The following GLT1D1 variants were observed in gnomAD, a reference collection of about 807,000 sequenced individuals.
GLT1D1 encodes the protein glycosyltransferase 1 domain-containing protein 1.
Under a neutral mutation model 28.7 loss-of-function variants are expected in GLT1D1, and 21 were observed. The observed-to-expected ratio is 0.73, with a 90% CI of 0.52 to 1.05. The LOEUF is 1.05. GLT1D1 is among the 50% of genes least tolerant of loss of function. The probability of loss-of-function intolerance (pLI) is 0.00; values close to 1 mark genes in which losing one functional copy is unlikely to be tolerated. For missense variants in GLT1D1, 343 were observed against 330.6 expected, an observed-to-expected ratio of 1.04 and a Z score of -0.29; for synonymous variants, 147 against 124.8, an observed-to-expected ratio of 1.18 and a Z score of -1.19.
In GLT1D1 at chr12:128,983,238, A is replaced by G; in HGVS notation, c.*148A>G. 2 of 673,850 alleles carry G rather than the reference A, an allele frequency of 3.0e-6. No homozygotes were observed. Among genetic ancestry groups the G allele is most frequent in the South Asian group, 3.7e-5 (2 of 54,454 alleles). 41.7% of individuals were successfully genotyped at this position (673,850 alleles called of 1,614,324 possible). A position where few individuals can be genotyped will look rare whatever the true frequency, so the allele number is the denominator to read the frequency against. On this transcript the variant is annotated 3_prime_UTR_variant, in exon 8 of 8. Coordinates refer to ENST00000281703, the MANE Select transcript of GLT1D1 (RefSeq NM_144669.3). This position sits in a 1 kb window ranked among gnomAD's most constrained non-coding sequence, Gnocchi z 4.7. ...GAAAATGTTAGTCGTGAGTCCCCAG[A>G]GCCACTGCATTCATCCCATATCCTT...
chr12:128,945,368 A>C lies in GLT1D1; in HGVS notation c.418A>C (p.Arg140=), dbSNP rs1593171550. 6.2e-7 allele frequency: 1 copy of C among 1,613,336 alleles called. No homozygotes were observed. The highest frequency in any genetic ancestry group is 8.5e-7 in the Non-Finnish European group (1 of 1,179,324). ...AAGGGAAGTGAAAGCCAAAGTGAAAAGGTAAGAGTTGGTGGAGACCAGTCA... is the reference window on the plus strand; with the variant it reads ...AAGGGAAGTGAAAGCCAAAGTGAAACGGTAAGAGTTGGTGGAGACCAGTCA... The change falls in exon 5 of 8, where the codon AGA becomes CGA. Residue 140 remains arginine (R), a splice_region_variant and synonymous_variant. Transcript: ENST00000281703.
At chr12:128,932,871 C>T (rs1489699516) in intron 4 of GLT1D1, among the ~76,000 whole-genome samples, 1 of 152,178 alleles carries the variant, frequency 6.6e-6, no homozygotes, top group Admixed American at 6.5e-5. Flanking sequence ...AAAGCAATAG[C>T]CACCGCCACA....
chr12:128,911,262 T>C (rs1593120286), intron 4 of GLT1D1, among the ~76,000 whole-genome samples: 1 of 152,230 alleles, frequency 6.6e-6, no homozygotes, highest in African/African-American at 2.4e-5. Context: ...ATGCTGCCTC[T>C]ACCAAACCTT....
chr12:128,921,043 A>T (rs1275120913), intron 4 of GLT1D1, among the ~76,000 whole-genome samples: 2 of 152,206 alleles, frequency 1.3e-5, no homozygotes, highest in Non-Finnish European at 2.9e-5. Flanking sequence ...AGTGTAATTC[A>T]TCAGAGTTGA....
intron 1 of GLT1D1, among the ~76,000 whole-genome samples, chr12:128,863,253 C>G (rs773896870): frequency 6.6e-6 from 1 of 152,178 alleles, no homozygotes; most frequent in African/African-American, 2.4e-5. Flanking sequence ...CCCAGCAAGG[C>G]GAGTCTGTCT....
At chr12:128,944,802 ATATG>A (rs1555217185) in intron 4 of GLT1D1, 1 of 211,484 alleles carries the variant, frequency 4.7e-6, no homozygotes, top group Non-Finnish European at 9.7e-6. Context: ...ATTTATATAT[ATATG>A]TATATATATA....
rs771961164 is a variant in GLT1D1 at position 128,866,936 on chromosome 12, C to G, written c.69-8978C>G. 8.6e-5 allele frequency among the ~76,000 whole-genome samples: 13 copies of G among 151,970 alleles called. No individual in the cohort carries two copies. The South Asian group carries it at 1.9e-3, about 22-fold the overall frequency. On this transcript the variant is annotated intron_variant, in intron 1 of 7. Transcript: ENST00000281703. ...GCGCCAGCCACCTTCAGGTCACCTT[C>G]TTTAGCGGGAACTCCCCTGCCCACC...
At chr12:128,970,506 C>T (rs566607667) in intron 7 of GLT1D1, among the ~76,000 whole-genome samples, 4 of 152,338 alleles carry the variant, frequency 2.6e-5, no homozygotes, top group African/African-American at 7.2e-5. Context: ...AGTCAAAGTC[C>T]GCTTCTATCC....
chr12:128,862,990 C>A (rs1251298749), intron 1 of GLT1D1, among the ~76,000 whole-genome samples: 1 of 152,156 alleles, frequency 6.6e-6, no homozygotes, highest in African/African-American at 2.4e-5. Flanking sequence ...GGCGTAGGGT[C>A]CAAGGAAGAG....
chr12:128,980,477 GT>G (rs1880211815), intron 7 of GLT1D1, among the ~76,000 whole-genome samples: 4 of 152,246 alleles, frequency 2.6e-5, no homozygotes, highest in Admixed American at 2.0e-4. Context: ...TTTGTTTGCA[GT>G]TTTCCGAGTC....
chr12:128,920,559 AAAAG>A (rs1410789003), intron 4 of GLT1D1, among the ~76,000 whole-genome samples: 2 of 152,198 alleles, frequency 1.3e-5, no homozygotes, highest in Non-Finnish European at 2.9e-5. Flanking sequence ...TGTCTCAAAA[AAAAG>A]AAAGAAAGAA....
intron 7 of GLT1D1, among the ~76,000 whole-genome samples, chr12:128,962,601 C>T (rs774901203): frequency 2.6e-5 from 4 of 152,258 alleles, no homozygotes; most frequent in South Asian, 2.1e-4. Context: ...ACCTTGGGGT[C>T]AGACATACAG....
chr12:128,895,263 AATGT>A (rs1313373745), intron 3 of GLT1D1, among the ~76,000 whole-genome samples: 1 of 152,106 alleles, frequency 6.6e-6, no homozygotes, highest in African/African-American at 2.4e-5. Context: ...AGAGCTTGGA[AATGT>A]ATGTATGTAT....
chr12:128,869,550 A>G (rs1956631935), intron 1 of GLT1D1, among the ~76,000 whole-genome samples: 1 of 152,050 alleles, frequency 6.6e-6, no homozygotes. Flanking sequence ...TGAAATACAC[A>G]TTATAAATAT....
chr12:128,866,559 T>G (rs1956526298), intron 1 of GLT1D1, among the ~76,000 whole-genome samples: 1 of 150,600 alleles, frequency 6.6e-6, no homozygotes, highest in Non-Finnish European at 1.5e-5. Context: ...TGGACTTTGT[T>G]AGCTCTTCAT....
intron 2 of GLT1D1, among the ~76,000 whole-genome samples, chr12:128,885,310 C>T (rs1471129906): frequency 6.6e-6 from 1 of 152,128 alleles, no homozygotes; most frequent in South Asian, 2.1e-4. Flanking sequence ...GCAACCTCTG[C>T]CTTCCAGGTT....
chr12:128,865,902 A>G (rs969388870), intron 1 of GLT1D1, among the ~76,000 whole-genome samples: 1 of 152,128 alleles, frequency 6.6e-6, no homozygotes, highest in Non-Finnish European at 1.5e-5. Context: ...CAGAACAACT[A>G]TTGAATAGCA....
At chr12:128,967,399 A>G (rs909100352) in intron 7 of GLT1D1, among the ~76,000 whole-genome samples, 1 of 152,194 alleles carries the variant, frequency 6.6e-6, no homozygotes, top group African/African-American at 2.4e-5. Context: ...TTGCTCTTGG[A>G]AGCTGAGTGA....
Position 128,876,603 on chromosome 12 carries a change from T to G in GLT1D1, c.217+541T>G, listed in dbSNP as rs920455018. Among the ~76,000 whole-genome samples, 3 of 152,286 alleles carry G rather than the reference T, an allele frequency of 2.0e-5. No homozygotes were observed. In the East Asian group the frequency reaches 5.8e-4, roughly 29 times the overall value. ...AGTGCTGGGATTGCAGGCATGAGCC[T>G]GGCCCTGAATTTTTTCAATGCATAT... On this transcript the variant is annotated intron_variant, in intron 2 of 7. Coordinates refer to ENST00000281703, the MANE Select transcript of GLT1D1 (RefSeq NM_144669.3).
Sources: gnomAD v4.1 joint callset for allele counts (sites outside exome capture counted in the v4.1 genomes callset) on GRCh38, gnomAD v4.1.1 for gene constraint, Gnocchi (gnomAD v3.1) non-coding constraint, MANE v1.5 for transcripts, NCBI Gene and HGNC (gene_info 2026-07-23, HGNC 2026-07-21) for gene names.